Variants in SPAG9 observed in about 807,000 individuals in gnomAD.
SPAG9 encodes the protein C-Jun-amino-terminal kinase-interacting protein 4.
SPAG9 carries 35 observed loss-of-function variants against 166.5 expected under a neutral mutation model. The ratio of observed to expected loss-of-function variants is 0.21; its 90% CI spans 0.16 to 0.28. SPAG9 has a LOEUF of 0.28. Ranked by LOEUF, SPAG9 falls within the 10% of genes least tolerant of loss-of-function variation. The pLI is 1.00. For missense variants in SPAG9, 1,235 were observed against 1,603.3 expected (o/e 0.77, Z 3.92); for synonymous variants, 534 against 565.5 (o/e 0.94, Z 0.79).
At chr17:50,995,265 GT>G in intron 17 of SPAG9, 41 bp from the exon 18 acceptor site, 1 of 1,570,196 alleles carries the variant, frequency 6.4e-7, no homozygotes. Flanking sequence ...GTCTAGAAAT[GT>G]TTAGCATTTT....
In SPAG9 at chr17:51,045,933, G is replaced by A. The variant is rs537540909; in HGVS notation, c.590+1442C>T. ...ACAACTTTGATGTGTAAATAATGGG[G>A]AAAAAGGCATTCCTTAACCTAAAAG... is the stretch of plus-strand genomic sequence containing the variant. On this transcript the variant is annotated intron_variant, in intron 4 of 29. Transcript: ENST00000262013. 2.4e-3 allele frequency among the ~76,000 whole-genome samples: 361 copies of A among 152,226 alleles called. 1 individual carries two copies. Among genetic ancestry groups the A allele is most frequent in the Non-Finnish European group, 3.3e-3 (222 of 68,004 alleles).
chr17:51,010,596 T>C (rs2045437990), intron 9 of SPAG9, among the ~76,000 whole-genome samples: 2 of 146,788 alleles, frequency 1.4e-5, no homozygotes, highest in Non-Finnish European at 3.0e-5. Flanking sequence ...TATATATATA[T>C]ATATACATAT....
In SPAG9 at chr17:50,999,608, T is replaced by C. The variant is rs1205495044; in HGVS notation, c.1664+53A>G. 14 of 1,517,942 alleles carry C rather than the reference T, an allele frequency of 9.2e-6. 1 individual carries two copies. In the South Asian group the frequency reaches 1.7e-4, roughly 18 times the overall value. 94.0% of individuals were successfully genotyped at this position (1,517,942 alleles called of 1,614,324 possible). On this transcript the variant is annotated intron_variant, in intron 14 of 29. Transcript: ENST00000262013. ...ATCATTCTTGGAAATAAATTTTGACTGTAATTTTCTTGTCTCATGTGCTGT... is the reference window on the plus strand; with the variant it reads ...ATCATTCTTGGAAATAAATTTTGACCGTAATTTTCTTGTCTCATGTGCTGT...
At chr17:50,993,102 A>C (rs12601780) in intron 19 of SPAG9, among the ~76,000 whole-genome samples, 2 of 150,670 alleles carry the variant, frequency 1.3e-5, no homozygotes, top group Non-Finnish European at 1.5e-5. Context: ...TCTCAAAAAA[A>C]AAAAAAAAAA....
chr17:51,041,865 A>G (rs1239292345), intron 4 of SPAG9, among the ~76,000 whole-genome samples: 1 of 152,226 alleles, frequency 6.6e-6, no homozygotes, highest in African/African-American at 2.4e-5. Context: ...TCAACTAAGA[A>G]AAGTGGTAAG....
intron 12 of SPAG9, among the ~76,000 whole-genome samples, chr17:51,002,248 C>T (rs1002672419): frequency 6.6e-6 from 1 of 152,018 alleles, no homozygotes; most frequent in Non-Finnish European, 1.5e-5. Context: ...AAATACTGGA[C>T]TCTAGTGGTG....
intron 13 of SPAG9, among the ~76,000 whole-genome samples, chr17:50,999,990 C>T (rs1053522952): frequency 6.6e-6 from 1 of 152,136 alleles, no homozygotes; most frequent in Non-Finnish European, 1.5e-5. Flanking sequence ...AGCCAACATG[C>T]CTGAATGATA....
rs1031072340 is a variant in SPAG9, at chr17:50,993,842, C to T, written c.2320G>A (p.Asp774Asn). Reference protein sequence around the residue: ...THSATKVLIIDAVQPGNILDS... With the variant: ...THSATKVLIINAVQPGNILDS... Reference sequence around the variant, plus strand: ...AGGATGTTGCCAGGTTGAACAGCATCAATAATAAGAACTTTTGTAGCCGAA... The same window carrying T: ...AGGATGTTGCCAGGTTGAACAGCATTAATAATAAGAACTTTTGTAGCCGAA... The change falls in exon 19 of 30, where the codon GAT becomes AAT. Residue 774 changes from aspartate to asparagine, a missense_variant. Around this residue, in one of 6 missense-constraint regions of SPAG9, gnomAD observed 493 missense variants for 559.4 expected, o/e 0.88. Coordinates refer to ENST00000262013, the MANE Select transcript of SPAG9 (RefSeq NM_001130528.3). 2 of 1,614,126 alleles carry T rather than the reference C, an allele frequency of 1.2e-6. No homozygotes were observed. The highest frequency in any genetic ancestry group is 8.5e-7 in the Non-Finnish European group (1 of 1,180,018).
Position 50,962,615 on chromosome 17 carries a change from A to G in SPAG9, c.*3657T>C, listed in dbSNP as rs1318953198. ...CCAAATGAGTCCCTTTCTGAACATG[A>G]TCAATTAAGAAGAGCCCTAAATCTG... On this transcript the variant is annotated 3_prime_UTR_variant, in exon 30 of 30. Transcript: ENST00000262013. The G allele has an allele frequency of 6.6e-6, 1 of 152,210 alleles. No individual in the cohort carries two copies. Among genetic ancestry groups the G allele is most frequent in the Non-Finnish European group, 1.5e-5 (1 of 68,038 alleles). 9.4% of individuals were successfully genotyped at this position (152,210 alleles called of 1,614,324 possible). A position where few individuals can be genotyped will look rare whatever the true frequency, so the allele number is the denominator to read the frequency against.
chr17:51,026,740 A>C (rs1303787634), intron 6 of SPAG9, among the ~76,000 whole-genome samples: 4 of 147,254 alleles, frequency 2.7e-5, no homozygotes, highest in African/African-American at 1.0e-4. Context: ...GCAATGGCGC[A>C]ATCTTGGCTC....
Position 51,037,683 on chromosome 17 carries a change from ATAGTGTGT to A in SPAG9, c.741+3810_741+3817del, listed in dbSNP as rs1267811690. Among the ~76,000 whole-genome samples, 101 of 101,880 alleles carry A rather than the reference ATAGTGTGT, an allele frequency of 9.9e-4. 3 individuals are homozygous for A. Among genetic ancestry groups the A allele is most frequent in the Admixed American group, 1.2e-3 (11 of 9,504 alleles). 66.8% of individuals were successfully genotyped at this position (101,880 alleles called of 152,430 possible). ...ATGTGTTTTATATATATATATATAT[ATAGTGTGT>A]GTGTGTGTGTGTGTGTGTGTGTGTG... On this transcript the variant is annotated intron_variant, in intron 5 of 29. Transcript: ENST00000262013.
intron 1 of SPAG9, among the ~76,000 whole-genome samples, chr17:51,088,282 G>A (rs1464480866): frequency 6.6e-6 from 1 of 152,216 alleles, no homozygotes; most frequent in Non-Finnish European, 1.5e-5. Flanking sequence ...CAGTTAGGCA[G>A]CATGATGATA....
rs766862481 is a variant in SPAG9, at chr17:50,996,547, AC to A, written c.1968+17del. On this transcript the variant is annotated intron_variant, in intron 16 of 29. Transcript: ENST00000262013. ...CTCTTCTTTCCTGCTGGATGCTCTT[AC>A]CACATGTGCATATTACCTGTTTGTA... 3.7e-6 allele frequency: 6 copies of A among 1,613,878 alleles called. No homozygotes were observed. Among genetic ancestry groups the A allele is most frequent in the Non-Finnish European group, 5.1e-6 (6 of 1,179,874 alleles).
chr17:51,014,276 C>G lies in SPAG9; in HGVS notation c.1169G>C (p.Gly390Ala). 6.2e-7 allele frequency: 1 copy of G among 1,613,294 alleles called. No homozygotes were observed. Among genetic ancestry groups the G allele is most frequent in the Non-Finnish European group, 8.5e-7 (1 of 1,179,472 alleles). ...ESLFEELSSA[G>A]SGLIGDVDEG... ...ATCCACATCTCCTATTAGGCCTGAG[C>G]CAGCTGAAGACAGTTCTTCAAAGAG... is the stretch of plus-strand genomic sequence containing the variant. Residue 390 changes from glycine (G) to alanine (A), a missense_variant, in exon 9 of 30, where the codon GGC becomes GCC. This residue lies in a region of SPAG9 where 288 missense variants were observed against 323.7 expected (regional missense o/e 0.89). Coordinates refer to ENST00000262013, the MANE Select transcript of SPAG9 (RefSeq NM_001130528.3).
chr17:51,095,138 A>G (rs2048574274), intron 1 of SPAG9, among the ~76,000 whole-genome samples: 1 of 151,818 alleles, frequency 6.6e-6, no homozygotes, highest in Non-Finnish European at 1.5e-5. Flanking sequence ...TACTAAAAAT[A>G]CAAAAAAAAT....
At chr17:50,994,139 T>C (rs1975863361) in intron 18 of SPAG9, among the ~76,000 whole-genome samples, 1 of 152,136 alleles carries the variant, frequency 6.6e-6, no homozygotes, top group African/African-American at 2.4e-5. Flanking sequence ...TTCCCACATG[T>C]TGTGAGAGGG....
chr17:51,063,183 CG>C (rs2047565601), intron 2 of SPAG9, among the ~76,000 whole-genome samples: 1 of 151,950 alleles, frequency 6.6e-6, no homozygotes, highest in African/African-American at 2.4e-5. Flanking sequence ...CCGAGGCAGG[CG>C]TATCACCTGA....
intron 5 of SPAG9, among the ~76,000 whole-genome samples, chr17:51,032,252 C>T (rs768154375): frequency 6.6e-6 from 1 of 152,080 alleles, no homozygotes; most frequent in African/African-American, 2.4e-5. Context: ...GCCTCAACTT[C>T]GCAGGATTCA....
intron 1 of SPAG9, among the ~76,000 whole-genome samples, chr17:51,091,594 T>C (rs1046109280): frequency 6.6e-6 from 1 of 152,068 alleles, no homozygotes; most frequent in Non-Finnish European, 1.5e-5. Context: ...CTCAGGTATG[T>C]TGGTATGAAA....
Sources: allele counts gnomAD v4.1 joint callset (sites outside exome capture counted in the v4.1 genomes callset), GRCh38; gene constraint gnomAD v4.1.1; regional missense constraint gnomAD v4.1.1; transcripts MANE v1.5; gene names NCBI Gene and HGNC (gene_info 2026-07-23, HGNC 2026-07-21).